RALA: variants seen among roughly 807,000 people sequenced by gnomAD.
RALA encodes ras-related protein Ral-A.
A neutral mutation model predicts 24.0 loss-of-function variants in RALA; 5 were observed. The observed-to-expected ratio is 0.21, with a 90% confidence interval of 0.11 to 0.44. The LOEUF is 0.44. Ranked by LOEUF, RALA falls within the 20% of genes least tolerant of loss-of-function variation. The pLI, the probability that RALA is intolerant of heterozygous loss-of-function variation, is 0.99. For missense variants in RALA, 95 were observed against 241.2 expected (o/e 0.39, Z 4.01); for synonymous variants, 77 against 83.8 (o/e 0.92, Z 0.44).
At chr7:39,690,187 T>C (rs1421675806) in intron 2 of RALA, among the ~76,000 whole-genome samples, 195 bp from the exon 3 acceptor site, 1 of 152,222 alleles carries the variant, frequency 6.6e-6, no homozygotes, top group Non-Finnish European at 1.5e-5. Flanking sequence ...CAGCCCTCTC[T>C]GTTTGCAAAT....
intron 4 of RALA, among the ~76,000 whole-genome samples, chr7:39,703,521 GCTT>G (rs1268651852): frequency 6.6e-6 from 1 of 152,062 alleles, no homozygotes; most frequent in Non-Finnish European, 1.5e-5. Context: ...TAAATTTTAT[GCTT>G]CTTGCTGCAG....
At chr7:39,666,221 G>A (rs1219516009) in intron 1 of RALA, among the ~76,000 whole-genome samples, 1 of 151,976 alleles carries the variant, frequency 6.6e-6, no homozygotes, top group Non-Finnish European at 1.5e-5. Flanking sequence ...CAAAAAAAAT[G>A]TATACTGGGT....
At chr7:39,703,417 T>G (rs1221517674) in intron 4 of RALA, 1 of 152,244 alleles carries the variant, frequency 6.6e-6, no homozygotes, top group East Asian at 1.9e-4. Flanking sequence ...TGTTTTATAC[T>G]TTTTTCCCTT....
At position 39,669,808 on chromosome 7, in the gene RALA, T is replaced by TAA. The variant is rs35648613; in HGVS notation, c.-37-16806_-37-16805dup. Among the ~76,000 whole-genome samples, 148 of 133,776 alleles carry TAA rather than the reference T, an allele frequency of 1.1e-3. 1 individual carries two copies. Among genetic ancestry groups the TAA allele is most frequent in the South Asian group, 1.9e-3 (8 of 4,170 alleles). The allele number at this position is 133,776 out of a possible 152,430, so 87.8% of individuals were successfully genotyped here. A position where few individuals can be genotyped will look rare whatever the true frequency, so the allele number is the denominator to read the frequency against. On this transcript the variant is annotated intron_variant, in intron 1 of 4. Coordinates refer to ENST00000005257, the MANE Select transcript of RALA (RefSeq NM_005402.4). ...GTGATAGACCGAGACTCTGTCTCTT[T>TAA]AAAAAAAAAAAAAAAAAAGCCTGCT... is the stretch of plus-strand genomic sequence containing the variant.
At chr7:39,653,093 G>A (rs769973317) in intron 1 of RALA, among the ~76,000 whole-genome samples, 3 of 151,486 alleles carry the variant, frequency 2.0e-5, no homozygotes, top group Non-Finnish European at 2.9e-5. Flanking sequence ...GCAGTGGTGC[G>A]ATCTCGGCTC....
intron 1 of RALA, among the ~76,000 whole-genome samples, chr7:39,657,181 G>A (rs1359861155): frequency 6.6e-6 from 1 of 152,090 alleles, no homozygotes; most frequent in African/African-American, 2.4e-5. Flanking sequence ...GGCCAGGCTG[G>A]TCTTGAACTG....
chr7:39,691,558 T>C (rs759576269), intron 3 of RALA, among the ~76,000 whole-genome samples: 4 of 152,036 alleles, frequency 2.6e-5, no homozygotes, highest in Non-Finnish European at 2.9e-5. Context: ...AAAAGAAGGA[T>C]TTTCACACAT....
intron 1 of RALA, among the ~76,000 whole-genome samples, chr7:39,662,712 A>G (rs1446190294): frequency 6.6e-6 from 1 of 152,328 alleles, no homozygotes; most frequent in Middle Eastern, 3.4e-3. Context: ...GTCTGTAGGA[A>G]GTTCCAGACT....
chr7:39,696,969 C>T (rs1792932982), intron 4 of RALA, 110 bp downstream of exon 4: 4 of 1,083,172 alleles, frequency 3.7e-6, no homozygotes, highest in South Asian at 3.4e-5. Flanking sequence ...AGGTTTAATC[C>T]TTGTTGATTT....
intron 1 of RALA, among the ~76,000 whole-genome samples, chr7:39,637,175 T>TTGAC (rs1337098685): frequency 6.6e-6 from 1 of 152,240 alleles, no homozygotes; most frequent in African/African-American, 2.4e-5. Context: ...TAGTGCAGTG[T>TTGAC]TGACTACATA....
At chr7:39,653,174 C>T (rs1048779571) in intron 1 of RALA, among the ~76,000 whole-genome samples, 3 of 125,068 alleles carry the variant, frequency 2.4e-5, no homozygotes, top group African/African-American at 9.4e-5. Context: ...GGATTACAGG[C>T]ATGCGCCACC....
intron 1 of RALA, among the ~76,000 whole-genome samples, chr7:39,660,481 T>G (rs1008511503): frequency 6.6e-6 from 1 of 152,206 alleles, no homozygotes; most frequent in Admixed American, 6.5e-5. Context: ...TATCCAATGC[T>G]TATTTCTTTT....
chr7:39,666,763 GGT>G (rs1431330518), intron 1 of RALA, among the ~76,000 whole-genome samples: 1 of 152,198 alleles, frequency 6.6e-6, no homozygotes, highest in Non-Finnish European at 1.5e-5. Context: ...GAATTCAGCA[GGT>G]GGTCTGTAAA....
At chr7:39,672,483 A>G (rs923858641) in intron 1 of RALA, among the ~76,000 whole-genome samples, 2 of 152,228 alleles carry the variant, frequency 1.3e-5, no homozygotes, top group Non-Finnish European at 2.9e-5. Context: ...ACATTTAATC[A>G]CACACCATAC....
At chr7:39,654,222 A>G (rs1206456143) in intron 1 of RALA, among the ~76,000 whole-genome samples, 1 of 152,212 alleles carries the variant, frequency 6.6e-6, no homozygotes, top group Non-Finnish European at 1.5e-5. Flanking sequence ...TCACCATTGA[A>G]TAATATGTTA....
At chr7:39,673,921 A>G (rs1792431613) in intron 1 of RALA, among the ~76,000 whole-genome samples, 1 of 152,070 alleles carries the variant, frequency 6.6e-6, no homozygotes, top group African/African-American at 2.4e-5. Flanking sequence ...AGGCAGGTGG[A>G]TTGCTTGAGC....
chr7:39,663,856 A>G (rs1415031310), intron 1 of RALA, among the ~76,000 whole-genome samples: 1 of 152,208 alleles, frequency 6.6e-6, no homozygotes, highest in Non-Finnish European at 1.5e-5. Flanking sequence ...AAGCAGTGTC[A>G]TTATATGACA....
At chr7:39,705,172 C>G (rs889303606) in intron 4 of RALA, among the ~76,000 whole-genome samples, 18 of 152,180 alleles carry the variant, frequency 1.2e-4, no homozygotes, top group Admixed American at 1.1e-3. Flanking sequence ...CTGCCCTACA[C>G]ACACACACAG....
At chr7:39,691,607 AAACC>A (rs1459247807) in intron 3 of RALA, among the ~76,000 whole-genome samples, 5 of 152,246 alleles carry the variant, frequency 3.3e-5, no homozygotes, top group Non-Finnish European at 5.9e-5. Context: ...GCAAAAAACT[AAACC>A]AAGGCTTTTA....
Sources: allele counts gnomAD v4.1 joint callset (sites outside exome capture counted in the v4.1 genomes callset), GRCh38; gene constraint gnomAD v4.1.1; transcripts MANE v1.5; gene names NCBI Gene and HGNC (gene_info 2026-07-23, HGNC 2026-07-21).